Variants in ZSCAN30 observed in about 807,000 individuals in gnomAD.
The protein encoded by ZSCAN30 is zinc finger and SCAN domain-containing protein 30.
A neutral mutation model predicts 44.3 loss-of-function variants in ZSCAN30; 37 were observed. The observed-to-expected ratio is 0.84, with a 90% CI of 0.64 to 1.10. ZSCAN30 has a LOEUF of 1.10. ZSCAN30 is among the 50% of genes least tolerant of loss of function. ZSCAN30 has a pLI of 0.00. For synonymous variants in ZSCAN30, 181 were observed against 204.6 expected, an observed-to-expected ratio of 0.88 and a Z score of 0.98; for missense variants, 549 against 582.6, an observed-to-expected ratio of 0.94 and a Z score of 0.59.
chr18:35,257,981 T>C (rs374738187), intron 3 of ZSCAN30: 6 of 780,890 alleles, frequency 7.7e-6, no homozygotes, highest in Non-Finnish European at 1.4e-5. Flanking sequence ...AATCTCCATC[T>C]CAGGCGCTAC....
chr18:35,275,338 C>T (rs2044350732), intron 1 of ZSCAN30, among the ~76,000 whole-genome samples: 1 of 152,200 alleles, frequency 6.6e-6, no homozygotes, highest in Non-Finnish European at 1.5e-5. Context: ...CACTACAGGT[C>T]ACTCAGTATT....
rs533123112 is a variant in ZSCAN30 at position 35,263,529 on chromosome 18, C to G, written c.537G>C (p.Gln179His). 17 of 1,614,176 alleles carry G rather than the reference C, an allele frequency of 1.1e-5. No homozygotes were observed. In the South Asian group the frequency reaches 1.8e-4, roughly 17 times the overall value. The change falls in exon 3 of 4, where the codon CAG becomes CAC. Residue 179 changes from glutamine (Q) to histidine (H), a missense_variant. Physicochemically the swap from Gln to His is conservative, Grantham distance 24 (BLOSUM62 0). Transcript: ENST00000333206. ...GCTTCTCACCTCTCTCCTGGAAAGC[C>G]TGGGACTCCTGAGTCTCAGTCTTGC... ...NQCKTETQES[Q>H]AFQERDGRMV... is the part of the protein sequence containing the mutation.
At chr18:35,277,106 C>A (rs953432875) in intron 1 of ZSCAN30, among the ~76,000 whole-genome samples, 1 of 152,182 alleles carries the variant, frequency 6.6e-6, no homozygotes, top group South Asian at 2.1e-4. Flanking sequence ...GGGCCTGTAC[C>A]CCCTTTGTTT....
At chr18:35,263,293 A>G in intron 3 of ZSCAN30, 1 of 527,522 alleles carries the variant, frequency 1.9e-6, no homozygotes, top group South Asian at 3.4e-5. Flanking sequence ...TATGGGTATT[A>G]GAGAATTTTA....
In ZSCAN30 at chr18:35,252,738, T is replaced by C. The variant is rs1254518580; in HGVS notation, c.*712A>G. The C allele has an allele frequency of 6.6e-6, 1 of 152,196 alleles. No individual in the cohort carries two copies. Among genetic ancestry groups the C allele is most frequent in the Non-Finnish European group, 1.5e-5 (1 of 68,036 alleles). 9.4% of individuals were successfully genotyped at this position (152,196 alleles called of 1,614,324 possible). ...TCCTACCAAAGCACTTACCACACTT[T>C]ACTGTAATTACTGTTTAGTATATAT... is the stretch of plus-strand genomic sequence containing the variant. On this transcript the variant is annotated 3_prime_UTR_variant, in exon 4 of 4. Coordinates refer to ENST00000333206, the MANE Select transcript of ZSCAN30 (RefSeq NM_001112734.4).
At chr18:35,287,805 T>C (rs1213563064) in intron 1 of ZSCAN30, among the ~76,000 whole-genome samples, 1 of 151,728 alleles carries the variant, frequency 6.6e-6, no homozygotes, top group Admixed American at 6.6e-5. Flanking sequence ...ACTGATGCTA[T>C]TCAAAAAATA....
intron 1 of ZSCAN30, among the ~76,000 whole-genome samples, chr18:35,274,272 C>T (rs760103732): frequency 1.2e-4 from 19 of 152,018 alleles, no homozygotes; most frequent in Non-Finnish European, 1.8e-4. Flanking sequence ...CTCCTGACCT[C>T]GTGATCTGCC....
intron 1 of ZSCAN30, among the ~76,000 whole-genome samples, chr18:35,278,869 T>C (rs2044409010): frequency 6.6e-6 from 1 of 152,236 alleles, no homozygotes; most frequent in South Asian, 2.1e-4. Context: ...GCTTGTTCTC[T>C]AGTTTCTAAT....
chr18:35,259,072 C>G (rs540749857), intron 3 of ZSCAN30: 1 of 153,184 alleles, frequency 6.5e-6, no homozygotes, highest in Non-Finnish European at 1.5e-5. Flanking sequence ...CAAAATACCA[C>G]AGAATGGGTG....
chr18:35,264,976 C>G (rs577736777), intron 1 of ZSCAN30, among the ~76,000 whole-genome samples: 1 of 151,990 alleles, frequency 6.6e-6, no homozygotes, highest in Non-Finnish European at 1.5e-5. Context: ...GAAACCCCAT[C>G]TCTACTAAAA....
At chr18:35,260,375 C>T (rs2043997623) in intron 3 of ZSCAN30, 1 of 152,002 alleles carries the variant, frequency 6.6e-6, no homozygotes, top group Admixed American at 6.6e-5. Context: ...CAGTATATAC[C>T]CAGTAATGGG....
At chr18:35,256,763 G>T (rs1357771525) in intron 3 of ZSCAN30, among the ~76,000 whole-genome samples, 2 of 150,102 alleles carry the variant, frequency 1.3e-5, no homozygotes, top group Non-Finnish European at 2.9e-5. Flanking sequence ...TTCTGTTTTT[G>T]TTGTTGTTGT....
At chr18:35,267,642 C>T (rs749285327) in intron 1 of ZSCAN30, 3 of 152,172 alleles carry the variant, frequency 2.0e-5, no homozygotes, top group African/African-American at 7.2e-5. Flanking sequence ...CCGGCTCAGA[C>T]CTGGCGGGGG....
In ZSCAN30 at chr18:35,253,412, C is replaced by G. The variant is rs766128491; in HGVS notation, c.*38G>C. Reference sequence around the variant, plus strand: ...TGGAGTCTCACCCCTACAGTGAACTCCTTGCATTTCACAATTGTACAACTC... The same window carrying G: ...TGGAGTCTCACCCCTACAGTGAACTGCTTGCATTTCACAATTGTACAACTC... On this transcript the variant is annotated 3_prime_UTR_variant, in exon 4 of 4. Coordinates refer to ENST00000333206, the MANE Select transcript of ZSCAN30 (RefSeq NM_001112734.4). The G allele has an allele frequency of 1.3e-6, 2 of 1,508,626 alleles. No homozygotes were observed. Among genetic ancestry groups the G allele is most frequent in the East Asian group, 4.5e-5 (2 of 43,996 alleles). 93.5% of individuals were successfully genotyped at this position (1,508,626 alleles called of 1,614,324 possible). A position where few individuals can be genotyped will look rare whatever the true frequency, so the allele number is the denominator to read the frequency against.
intron 1 of ZSCAN30, chr18:35,289,199 C>G (rs1186348935): frequency 6.6e-6 from 1 of 152,216 alleles, no homozygotes; most frequent in Non-Finnish European, 1.5e-5. Flanking sequence ...TGGTCTCCAA[C>G]TCCTGATCTC....
intron 1 of ZSCAN30, chr18:35,268,773 G>A (rs2044215269): frequency 6.6e-6 from 1 of 152,142 alleles, no homozygotes; most frequent in South Asian, 2.1e-4. Flanking sequence ...TTGTGATACT[G>A]CAAGAAAAGA....
At chr18:35,274,141 A>C (rs2044330831) in intron 1 of ZSCAN30, among the ~76,000 whole-genome samples, 1 of 152,042 alleles carries the variant, frequency 6.6e-6, no homozygotes. Flanking sequence ...TCAGCCTCCC[A>C]AGTAGCTGGG....
At chr18:35,257,585 C>T (rs1441870210) in intron 3 of ZSCAN30, 4 of 291,340 alleles carry the variant, frequency 1.4e-5, no homozygotes, top group Admixed American at 4.8e-5. Context: ...TTGAACTTCT[C>T]AGCCTCCAGA....
chr18:35,275,371 T>C (rs2044351143), intron 1 of ZSCAN30, among the ~76,000 whole-genome samples: 1 of 152,242 alleles, frequency 6.6e-6, no homozygotes, highest in African/African-American at 2.4e-5. Context: ...TATGTTTTTC[T>C]AGTAAGCTCA....
Sources: allele counts gnomAD v4.1 joint callset (sites outside exome capture counted in the v4.1 genomes callset), GRCh38; gene constraint gnomAD v4.1.1; transcripts MANE v1.5; gene names NCBI Gene and HGNC (gene_info 2026-07-23, HGNC 2026-07-21).